Variants in HPSE2 observed in about 807,000 individuals in gnomAD.
HPSE2 encodes heparanase 2 (inactive).
HPSE2 carries 38 observed loss-of-function variants against 60.5 expected under a neutral mutation model. That is an observed-to-expected ratio of 0.63 (90% CI 0.48 to 0.82). The LOEUF is 0.82. Ranked by LOEUF, HPSE2 falls within the 40% of genes least tolerant of loss-of-function variation. HPSE2 has a pLI of 0.00. For synonymous variants in HPSE2, 295 were observed against 293.2 expected, an observed-to-expected ratio of 1.01 and a Z score of -0.06; for missense variants, 713 against 740.4, an observed-to-expected ratio of 0.96 and a Z score of 0.43.
At chr10:99,107,118 G>A (rs1042894140) in intron 3 of HPSE2, among the ~76,000 whole-genome samples, 3 of 152,060 alleles carry the variant, frequency 2.0e-5, no homozygotes, top group South Asian at 2.1e-4. Flanking sequence ...GGATCCACCC[G>A]CCTTGGCCTC....
chr10:99,099,882 G>T lies in HPSE2; in HGVS notation c.610+44356C>A, dbSNP rs528233609. On this transcript the variant is annotated intron_variant, in intron 3 of 11. Coordinates refer to ENST00000370552, the MANE Select transcript of HPSE2 (RefSeq NM_021828.5). Reference sequence around the variant, plus strand: ...CCACTGCTGATACCCAGGCAAACAGGGTCTGGAGTGGACCTCCAGCAAACT... The same window carrying T: ...CCACTGCTGATACCCAGGCAAACAGTGTCTGGAGTGGACCTCCAGCAAACT... Among the ~76,000 whole-genome samples, 4 of 152,218 alleles carry T rather than the reference G, an allele frequency of 2.6e-5. No individual in the cohort carries two copies. In the East Asian group the frequency reaches 5.8e-4, roughly 22 times the overall value.
chr10:98,734,609 TG>T (rs1949304499), intron 4 of HPSE2, among the ~76,000 whole-genome samples: 1 of 152,186 alleles, frequency 6.6e-6, no homozygotes, highest in African/African-American at 2.4e-5. Context: ...TGATGGCTAA[TG>T]ATGTTGAGCA....
chr10:99,262,847 C>G, the HPSE2 span, among the ~76,000 whole-genome samples: 1 of 152,024 alleles, frequency 6.6e-6, no homozygotes, highest in Non-Finnish European at 1.5e-5. Flanking sequence ...CCTAGCTGAC[C>G]CCATAAATCC....
intron 3 of HPSE2, among the ~76,000 whole-genome samples, chr10:98,777,785 C>T (rs1330424196): frequency 6.6e-6 from 1 of 152,164 alleles, no homozygotes; most frequent in East Asian, 1.9e-4. Context: ...CTTGTCACAT[C>T]ATGCTCTTTT....
chr10:99,027,570 T>C (rs1390195034), intron 3 of HPSE2, among the ~76,000 whole-genome samples: 4 of 152,060 alleles, frequency 2.6e-5, no homozygotes, highest in Non-Finnish European at 4.4e-5. Flanking sequence ...CAAACTATTC[T>C]GAAAAATAGG....
At chr10:98,666,810 A>G (rs1351859828) in intron 6 of HPSE2, among the ~76,000 whole-genome samples, 9 of 152,176 alleles carry the variant, frequency 5.9e-5, no homozygotes, top group Admixed American at 5.9e-4. Context: ...TTGTAGCACT[A>G]AACACCTTCA....
chr10:99,100,519 G>C (rs188066641), intron 3 of HPSE2, among the ~76,000 whole-genome samples: 13 of 152,316 alleles, frequency 8.5e-5, no homozygotes, highest in African/African-American at 3.1e-4. Context: ...CATCTGACTG[G>C]TGTACCTGAA....
intron 3 of HPSE2, among the ~76,000 whole-genome samples, chr10:98,783,058 T>C (rs1950518911): frequency 1.0e-5 from 1 of 100,438 alleles, no homozygotes; most frequent in Non-Finnish European, 2.0e-5. Context: ...TCATCTAGCA[T>C]TAGGTATATC....
intron 4 of HPSE2, among the ~76,000 whole-genome samples, chr10:98,741,403 T>A (rs1382204048): frequency 6.6e-6 from 1 of 152,138 alleles, no homozygotes; most frequent in Non-Finnish European, 1.5e-5. Context: ...AACATTTTTT[T>A]AAGTGTAATT....
rs548522735 is a variant in HPSE2 at position 98,746,748 on chromosome 10, A to G, written c.611-2692T>C. 2.0e-5 allele frequency among the ~76,000 whole-genome samples: 3 copies of G among 152,066 alleles called. No individual in the cohort carries two copies. In the East Asian group the frequency reaches 5.8e-4, roughly 29 times the overall value. On this transcript the variant is annotated intron_variant, in intron 3 of 11. Coordinates refer to ENST00000370552, the MANE Select transcript of HPSE2 (RefSeq NM_021828.5). The stretch of plus-strand genomic sequence containing the variant: ...ATTGATACAACAGAAATTTGTGTTA[A>G]GACTTTGAGGCCCACTTGTATAAGA...
chr10:99,040,319 T>G (rs1331362655), intron 3 of HPSE2, among the ~76,000 whole-genome samples: 1 of 152,192 alleles, frequency 6.6e-6, no homozygotes, highest in Non-Finnish European at 1.5e-5. Context: ...TTTGTCATTT[T>G]AAAGTATGCT....
At chr10:98,898,965 C>T (rs1953579551) in intron 3 of HPSE2, among the ~76,000 whole-genome samples, 1 of 152,150 alleles carries the variant, frequency 6.6e-6, no homozygotes, top group Non-Finnish European at 1.5e-5. Flanking sequence ...TGATCCATAA[C>T]TCTAAACATA....
rs184543665 is a variant in HPSE2, at chr10:98,669,448, G to T, written c.1004+24452C>A. ...CACATGCACTTCTATGTTCATGGCTGCATTATTCACAACAGCAAAGACAGG... is the reference window on the plus strand; with the variant it reads ...CACATGCACTTCTATGTTCATGGCTTCATTATTCACAACAGCAAAGACAGG... On this transcript the variant is annotated intron_variant, in intron 6 of 11. Coordinates refer to ENST00000370552, the MANE Select transcript of HPSE2 (RefSeq NM_021828.5). 2.0e-3 allele frequency among the ~76,000 whole-genome samples: 306 copies of T among 152,318 alleles called. 1 individual carries two copies. Among genetic ancestry groups the T allele is most frequent in the Middle Eastern group, 3.4e-3 (1 of 294 alleles).
At position 98,620,621 on chromosome 10, in the gene HPSE2, A is replaced by T; in HGVS notation, c.1186T>A (p.Ser396Thr). ...SAGGTNNLSD[S>T]YAAGFLWLNT... ...ACTCACAAGAATCCTGCAGCATAGG[A>T]ATCGGATAGATTGTTTGTGCCTCCA... The change falls in exon 8 of 12, where the codon TCC becomes ACC. Residue 396 changes from serine (S) to threonine (T), a missense_variant. Coordinates refer to ENST00000370552, the MANE Select transcript of HPSE2 (RefSeq NM_021828.5). The T allele has an allele frequency of 1.2e-6, 2 of 1,613,968 alleles. No individual in the cohort carries two copies. Among genetic ancestry groups the T allele is most frequent in the Non-Finnish European group, 1.7e-6 (2 of 1,179,852 alleles).
chr10:99,240,031 A>T (rs1262398830), upstream of HPSE2, among the ~76,000 whole-genome samples: 1 of 152,010 alleles, frequency 6.6e-6, no homozygotes. Flanking sequence ...TCTACTAAAA[A>T]TACAAAACTT....
chr10:98,516,127 A>G (rs910555857), intron 9 of HPSE2, among the ~76,000 whole-genome samples: 1 of 152,224 alleles, frequency 6.6e-6, no homozygotes, highest in African/African-American at 2.4e-5. Context: ...TGTTCATAAC[A>G]ATGTCAGTGA....
At chr10:98,816,479 T>C (rs1046275573) in intron 3 of HPSE2, among the ~76,000 whole-genome samples, 10 of 152,112 alleles carry the variant, frequency 6.6e-5, no homozygotes, top group African/African-American at 2.2e-4. Flanking sequence ...CTAATTTACA[T>C]TGTGAAAGAA....
chr10:99,138,437 C>A (rs1845742890), intron 3 of HPSE2, among the ~76,000 whole-genome samples: 1 of 152,156 alleles, frequency 6.6e-6, no homozygotes, highest in African/African-American at 2.4e-5. Context: ...AAGACACATG[C>A]ACACACATGT....
At chr10:98,908,435 G>C (rs1415846570) in intron 3 of HPSE2, among the ~76,000 whole-genome samples, 1 of 152,148 alleles carries the variant, frequency 6.6e-6, no homozygotes, top group Non-Finnish European at 1.5e-5. Context: ...TGTTATCCCA[G>C]CACTTTGTGA....
Sources: gnomAD v4.1 joint callset for allele counts (sites outside exome capture counted in the v4.1 genomes callset) on GRCh38, gnomAD v4.1.1 for gene constraint, MANE v1.5 for transcripts, NCBI Gene and HGNC (gene_info 2026-07-23, HGNC 2026-07-21) for gene names.